The following SLC35F4 variants were observed in gnomAD, a reference collection of about 807,000 sequenced individuals.
SLC35F4 encodes the protein chromosome 14 open reading frame 36.
SLC35F4 carries 24 observed loss-of-function variants against 44.2 expected under a neutral mutation model. That is an observed-to-expected ratio of 0.54 (90% CI 0.39 to 0.76). SLC35F4 has a LOEUF of 0.76. SLC35F4 is among the 30% of genes least tolerant of loss of function. The probability of loss-of-function intolerance (pLI) is 0.00; values close to 1 mark genes in which losing one functional copy is unlikely to be tolerated. For synonymous variants in SLC35F4, 238 were observed against 223.6 expected (o/e 1.06, Z -0.57); for missense variants, 562 against 586.1 (o/e 0.96, Z 0.42).
intron 1 of SLC35F4, among the ~76,000 whole-genome samples, chr14:57,667,774 G>A (rs1404620661): frequency 6.6e-6 from 1 of 151,592 alleles, no homozygotes; most frequent in Non-Finnish European, 1.5e-5. Flanking sequence ...TTGCTATTGT[G>A]AATAGTGCCA....
chr14:57,849,511 T>C lies in SLC35F4; in HGVS notation c.103+16212A>G, dbSNP rs145156421. Among the ~76,000 whole-genome samples, 992 of 152,232 alleles carry C rather than the reference T, an allele frequency of 6.5e-3. 15 individuals carry two copies. Among genetic ancestry groups the C allele is most frequent in the African/African-American group, 0.022 (930 of 41,536 alleles). On this transcript the variant is annotated intron_variant, in intron 1 of 7. Transcript: ENST00000556826. ...AAAACAACTTGGAGGAAACAGACCA[T>C]TCAGGGGAAGAAAACTTTGTAAAAT... is the stretch of plus-strand genomic sequence containing the variant.
At chr14:57,827,803 C>CA (rs5808943) in intron 1 of SLC35F4, among the ~76,000 whole-genome samples, 2,779 of 128,016 alleles carry the variant, frequency 0.022, 36 homozygotes, top group African/African-American at 0.03. Context: ...CCTTATTTTT[C>CA]AAAAAAAAAA....
rs562310793 is a variant in SLC35F4, at chr14:57,865,909, G to C, written c.-84C>G. 5.1e-4 allele frequency: 473 copies of C among 935,004 alleles called. 3 individuals are homozygous for C. The African/African-American group carries it at 7.3e-3, about 15-fold the overall frequency. The allele number at this position is 935,004 out of a possible 1,614,324, so 57.9% of individuals were successfully genotyped here. A position where few individuals can be genotyped will look rare whatever the true frequency, so the allele number is the denominator to read the frequency against. On this transcript the variant is annotated 5_prime_UTR_variant, in exon 1 of 8. Coordinates refer to ENST00000556826, the MANE Select transcript of SLC35F4 (RefSeq NM_001306087.2). ...GGGAGCTGGTGCAGGTGCCGGAGCC[G>C]CTGGTGCTGATCTTGCAGCTCCTGC...
upstream of SLC35F4, among the ~76,000 whole-genome samples, chr14:57,868,118 C>T (rs1374274442): frequency 6.6e-6 from 1 of 152,136 alleles, no homozygotes; most frequent in Non-Finnish European, 1.5e-5. Flanking sequence ...GTAAATTCAG[C>T]ATAAATTTAA....
At chr14:57,891,660 G>A (rs552407903) in intron 1 of SLC35F4, among the ~76,000 whole-genome samples, 2 of 152,012 alleles carry the variant, frequency 1.3e-5, no homozygotes, top group Non-Finnish European at 2.9e-5. Context: ...GGCATATCAC[G>A]AGATCAGGAG....
intron 1 of SLC35F4, among the ~76,000 whole-genome samples, chr14:57,666,859 G>A (rs1303895025): frequency 1.3e-5 from 2 of 152,040 alleles, no homozygotes; most frequent in African/African-American, 4.8e-5. Flanking sequence ...TGGAGCCTGG[G>A]CTGGCTAGAC....
At chr14:57,745,506 G>T (rs1395353553) in intron 1 of SLC35F4, among the ~76,000 whole-genome samples, 1 of 152,210 alleles carries the variant, frequency 6.6e-6, no homozygotes, top group African/African-American at 2.4e-5. Context: ...CTGGCCATCA[G>T]AGAAATGCAA....
At chr14:57,640,231 A>T (rs1207288006) in intron 1 of SLC35F4, among the ~76,000 whole-genome samples, 2 of 151,936 alleles carry the variant, frequency 1.3e-5, no homozygotes, top group African/African-American at 4.8e-5. Flanking sequence ...ACTTTATGGT[A>T]TTTCCAACAT....
intron 1 of SLC35F4, chr14:57,604,365 T>C (rs2071021597): frequency 6.6e-6 from 1 of 152,050 alleles, no homozygotes; most frequent in African/African-American, 2.4e-5. Context: ...GATAAGAAAA[T>C]GCTATGCTGT....
chr14:57,741,376 A>C (rs2076602913), intron 1 of SLC35F4, among the ~76,000 whole-genome samples: 1 of 152,164 alleles, frequency 6.6e-6, no homozygotes, highest in Admixed American at 6.5e-5. Context: ...TAGAATAAAC[A>C]GCCTAGAGAA....
Position 57,630,160 on chromosome 14 carries a change from A to G in SLC35F4, c.104-36036T>C, listed in dbSNP as rs968600707. ...TGGCAGATTAAAATACAGTTTGCCT[A>G]GGGGGATCAGAAGACACTAAATCAG... is the stretch of plus-strand genomic sequence containing the variant. On this transcript the variant is annotated intron_variant, in intron 1 of 7. Coordinates refer to ENST00000556826, the MANE Select transcript of SLC35F4 (RefSeq NM_001306087.2). 4 of 557,574 alleles carry G rather than the reference A, an allele frequency of 7.2e-6. No homozygotes were observed. In the African/African-American group the frequency reaches 7.6e-5, roughly 11 times the overall value. 34.5% of individuals were successfully genotyped at this position (557,574 alleles called of 1,614,324 possible).
chr14:57,844,332 A>AG (rs1192871255), intron 1 of SLC35F4, among the ~76,000 whole-genome samples: 1 of 152,212 alleles, frequency 6.6e-6, no homozygotes, highest in African/African-American at 2.4e-5. Flanking sequence ...AAAGGCTTGT[A>AG]GTGGTGTGAA....
At chr14:57,965,369 G>T (rs1028914845) in intron 1 of SLC35F4, among the ~76,000 whole-genome samples, 1 of 151,930 alleles carries the variant, frequency 6.6e-6, no homozygotes, top group African/African-American at 2.4e-5. Context: ...AGGACCTCTT[G>T]GTGATTAAAT....
At chr14:57,692,388 A>G (rs1051467172) in intron 1 of SLC35F4, among the ~76,000 whole-genome samples, 5 of 152,100 alleles carry the variant, frequency 3.3e-5, no homozygotes, top group African/African-American at 1.2e-4. Flanking sequence ...TATAGCTAAT[A>G]GTCTATTGAT....
chr14:57,777,466 T>C (rs907063092), intron 1 of SLC35F4, among the ~76,000 whole-genome samples: 2 of 152,200 alleles, frequency 1.3e-5, no homozygotes, highest in African/African-American at 4.8e-5. Context: ...GATGAGTTCA[T>C]GTCTTTTGCG....
chr14:57,854,515 G>A (rs926008401), intron 1 of SLC35F4, among the ~76,000 whole-genome samples: 3 of 152,066 alleles, frequency 2.0e-5, no homozygotes, highest in South Asian at 4.1e-4. Flanking sequence ...GGACATTCCC[G>A]AATTAACCCT....
intron 1 of SLC35F4, among the ~76,000 whole-genome samples, chr14:57,904,705 C>G (rs952248990): frequency 6.6e-6 from 1 of 152,000 alleles, no homozygotes; most frequent in South Asian, 2.1e-4. Flanking sequence ...AGGTGGATAC[C>G]GTTATTCTCT....
intron 1 of SLC35F4, among the ~76,000 whole-genome samples, chr14:57,719,000 A>G (rs1424200617): frequency 6.6e-6 from 1 of 152,182 alleles, no homozygotes; most frequent in East Asian, 1.9e-4. Flanking sequence ...ATCCATTTTG[A>G]TAAGATTTTT....
At position 57,865,843 on chromosome 14, in the gene SLC35F4, G is replaced by C; in HGVS notation, c.-18C>G. ...ACATCCATAGAGAGCGCGGGGCGAC[G>C]GCCCCGAGTGCGGCGGGGCGGAGAG... On this transcript the variant is annotated 5_prime_UTR_variant, in exon 1 of 8. Transcript: ENST00000556826. 6.7e-7 allele frequency: 1 copy of C among 1,483,142 alleles called. No homozygotes were observed. Among genetic ancestry groups the C allele is most frequent in the Non-Finnish European group, 8.9e-7 (1 of 1,117,464 alleles). 91.9% of individuals were successfully genotyped at this position (1,483,142 alleles called of 1,614,324 possible).
Sources: allele counts gnomAD v4.1 joint callset (sites outside exome capture counted in the v4.1 genomes callset), GRCh38; gene constraint gnomAD v4.1.1; transcripts MANE v1.5; gene names NCBI Gene and HGNC (gene_info 2026-07-23, HGNC 2026-07-21).